TSHZ3: variants seen among roughly 807,000 people sequenced by gnomAD.
TSHZ3 encodes teashirt zinc finger homeobox 3, also known as teashirt homolog 3.
Under a neutral mutation model 64.5 loss-of-function variants are expected in TSHZ3, and 10 were observed. The observed-to-expected ratio is 0.16, with a 90% CI of 0.10 to 0.26. TSHZ3 has a LOEUF of 0.26. Ranked by LOEUF, TSHZ3 falls within the 10% of genes least tolerant of loss-of-function variation. TSHZ3 has a pLI of 1.00. For synonymous variants in TSHZ3, 608 were observed against 593.1 expected (o/e 1.03, Z -0.36); for missense variants, 1,242 against 1,421.7 (o/e 0.87, Z 2.03).
rs775904996 is a variant in TSHZ3, at chr19:31,276,541, C to A, written c.*6G>T. On this transcript the variant is annotated 3_prime_UTR_variant, in exon 2 of 2. Coordinates refer to ENST00000240587, the MANE Select transcript of TSHZ3 (RefSeq NM_020856.4). The stretch of plus-strand genomic sequence containing the variant: ...AAACTGCAGTCCTTTCTATCAAAAG[C>A]AAATGCTACTGCTTCTCTAACTCAG... The A allele has an allele frequency of 3.9e-6, 6 of 1,534,230 alleles. No individual in the cohort carries two copies. In the South Asian group the frequency reaches 7.7e-5, roughly 20 times the overall value.
At chr19:31,204,274 C>CT (rs1568346987) in intron 5 of TSHZ3, among the ~76,000 whole-genome samples, 4 of 151,324 alleles carry the variant, frequency 2.6e-5, no homozygotes, top group African/African-American at 9.7e-5. Flanking sequence ...TTCTCTTGCT[C>CT]CCTCTCTTCC....
At chr19:31,176,653 G>A (rs1417626368) in intron 5 of TSHZ3, among the ~76,000 whole-genome samples, 3 of 152,122 alleles carry the variant, frequency 2.0e-5, no homozygotes, top group African/African-American at 7.2e-5. Flanking sequence ...ATCCAGGCAT[G>A]GTGACACACA....
chr19:31,228,005 C>T (rs954147651), exon 4 of TSHZ3, among the ~76,000 whole-genome samples: 6 of 152,290 alleles, frequency 3.9e-5, no homozygotes, highest in African/African-American at 1.4e-4. Context: ...ATCATCTTAC[C>T]TGGGCAACTC....
exon 7 of TSHZ3, among the ~76,000 whole-genome samples, chr19:31,150,972 C>T (rs1414082812): frequency 6.6e-6 from 1 of 152,162 alleles, no homozygotes; most frequent in Non-Finnish European, 1.5e-5. Context: ...CTCTTCTATT[C>T]TTCTTGGCTT....
chr19:31,208,439 C>A (rs968004309), intron 4 of TSHZ3, among the ~76,000 whole-genome samples: 1 of 152,150 alleles, frequency 6.6e-6, no homozygotes, highest in African/African-American at 2.4e-5. Context: ...GGGCTAGGAA[C>A]CCTGCAATGT....
At chr19:31,226,730 G>A (rs1351190863) in intron 4 of TSHZ3, among the ~76,000 whole-genome samples, 2 of 152,034 alleles carry the variant, frequency 1.3e-5, no homozygotes, top group Non-Finnish European at 2.9e-5. Flanking sequence ...GTGACCATAT[G>A]TCTTCATTTG....
Position 31,194,058 on chromosome 19 carries a change from T to C in TSHZ3, n.809+10898A>G, listed in dbSNP as rs1974950966. 3.0e-5 allele frequency among the ~76,000 whole-genome samples: 4 copies of C among 131,952 alleles called. No homozygotes were observed. In the Admixed American group the frequency reaches 3.2e-4, roughly 11 times the overall value. The allele number at this position is 131,952 out of a possible 152,430, so 86.6% of individuals were successfully genotyped here. ...CCAAAATTAGAGACAGATAAGCAAA[T>C]ACAGAGAATCACAACTTACTAGATA... On this transcript the variant is annotated intron_variant and non_coding_transcript_variant, in intron 5 of 6. Transcript: ENST00000651361.
intron 5 of TSHZ3, chr19:31,167,405 T>C (rs1191412144): frequency 6.6e-6 from 1 of 152,156 alleles, no homozygotes; most frequent in African/African-American, 2.4e-5. Context: ...TTAAAAATGG[T>C]GTAACAGTGT....
At chr19:31,345,509 T>A (rs1398825900) in intron 1 of TSHZ3, among the ~76,000 whole-genome samples, 1 of 152,188 alleles carries the variant, frequency 6.6e-6, no homozygotes, top group Non-Finnish European at 1.5e-5. Flanking sequence ...ATCCACAGTG[T>A]TCTGTGGCAC....
rs1976212605 is a variant in TSHZ3, at chr19:31,275,460, T to C, written c.*1087A>G. On this transcript the variant is annotated 3_prime_UTR_variant, in exon 2 of 2. Coordinates refer to ENST00000240587, the MANE Select transcript of TSHZ3 (RefSeq NM_020856.4). Reference sequence around the variant, plus strand: ...TTTTTTTTGTTCTTTTTTTTAACCTTTTCAAATAGACTTAACCCTTTGAGC... The same window carrying C: ...TTTTTTTTGTTCTTTTTTTTAACCTCTTCAAATAGACTTAACCCTTTGAGC... 6.6e-6 allele frequency: 1 copy of C among 152,538 alleles called. No individual in the cohort carries two copies. The highest frequency in any genetic ancestry group is 1.5e-5 in the Non-Finnish European group (1 of 68,018). The allele number at this position is 152,538 out of a possible 1,614,324, so 9.4% of individuals were successfully genotyped here.
intron 5 of TSHZ3, among the ~76,000 whole-genome samples, chr19:31,179,057 T>C (rs1278541881): frequency 6.6e-6 from 1 of 150,422 alleles, no homozygotes; most frequent in Non-Finnish European, 1.5e-5. Flanking sequence ...ATGAGCATGA[T>C]GGTTGAATGG....
intron 1 of TSHZ3, among the ~76,000 whole-genome samples, chr19:31,341,553 C>T (rs1917434525): frequency 6.6e-6 from 1 of 151,850 alleles, no homozygotes. Context: ...TGTTATTTCC[C>T]TTATTGCACT....
At chr19:31,295,848 G>A (rs576230797) in intron 1 of TSHZ3, among the ~76,000 whole-genome samples, 1 of 150,280 alleles carries the variant, frequency 6.7e-6, no homozygotes, top group Non-Finnish European at 1.5e-5. Flanking sequence ...GTGTGATGCT[G>A]AGGTTTGGGC....
At chr19:31,262,507 G>A (rs962368142) in intron 1 of TSHZ3, among the ~76,000 whole-genome samples, 1 of 152,150 alleles carries the variant, frequency 6.6e-6, no homozygotes, top group African/African-American at 2.4e-5. Context: ...TTACTAGTAA[G>A]ATAGGTTTTT....
At chr19:31,229,298 A>G (rs1975509682) in intron 3 of TSHZ3, among the ~76,000 whole-genome samples, 1 of 152,222 alleles carries the variant, frequency 6.6e-6, no homozygotes, top group Non-Finnish European at 1.5e-5. Context: ...CAAGGACATT[A>G]AGATAGATTC....
chr19:31,344,197 GCA>G (rs1447864751), intron 1 of TSHZ3, among the ~76,000 whole-genome samples: 1 of 151,840 alleles, frequency 6.6e-6, no homozygotes, highest in Non-Finnish European at 1.5e-5. Flanking sequence ...ACACACACAC[GCA>G]CACACAGAGT....
chr19:31,346,901 C>T (rs549088805), intron 1 of TSHZ3, among the ~76,000 whole-genome samples: 2 of 151,808 alleles, frequency 1.3e-5, no homozygotes, highest in South Asian at 4.2e-4. Context: ...CGCCTCCACC[C>T]CCTCCTCCAC....
At chr19:31,283,985 G>A (rs1407281506) in intron 1 of TSHZ3, among the ~76,000 whole-genome samples, 3 of 152,082 alleles carry the variant, frequency 2.0e-5, no homozygotes, top group African/African-American at 7.2e-5. Flanking sequence ...GTAGCCCAGG[G>A]GTAGGCACCG....
intron 4 of TSHZ3, among the ~76,000 whole-genome samples, chr19:31,215,886 A>C (rs1975320587): frequency 6.6e-6 from 1 of 151,984 alleles, no homozygotes; most frequent in Admixed American, 6.6e-5. Flanking sequence ...AAAAGGTATT[A>C]TAATTTTTTT....
Sources: allele counts gnomAD v4.1 joint callset (sites outside exome capture counted in the v4.1 genomes callset), GRCh38; gene constraint gnomAD v4.1.1; transcripts MANE v1.5; gene names NCBI Gene and HGNC (gene_info 2026-07-23, HGNC 2026-07-21).